The following NTN1 variants were observed in gnomAD, a reference collection of about 807,000 sequenced individuals.
NTN1 encodes netrin-1.
A neutral mutation model predicts 54.2 loss-of-function variants in NTN1; 11 were observed. The ratio of observed to expected loss-of-function variants is 0.20; its 90% CI spans 0.13 to 0.34. The LOEUF (loss-of-function observed/expected upper bound fraction) is 0.34, where lower values mean the gene tolerates loss of function less well. Among genes scored for constraint, NTN1 ranks in the 10% least tolerant of loss-of-function variants. The probability of loss-of-function intolerance (pLI) is 1.00; values close to 1 mark genes in which losing one functional copy is unlikely to be tolerated. For synonymous variants in NTN1, 371 were observed against 382.0 expected, an observed-to-expected ratio of 0.97 and a Z score of 0.33; for missense variants, 740 against 893.1, an observed-to-expected ratio of 0.83 and a Z score of 2.18.
chr17:9,096,076 C>T (rs947847974), intron 2 of NTN1, among the ~76,000 whole-genome samples: 8 of 152,186 alleles, frequency 5.3e-5, no homozygotes, highest in Admixed American at 6.5e-5. Context: ...GGATTACAGG[C>T]GTGAGCAACT....
chr17:9,095,477 A>G (rs1380496634), intron 2 of NTN1, among the ~76,000 whole-genome samples: 1 of 152,318 alleles, frequency 6.6e-6, no homozygotes, highest in East Asian at 1.9e-4. Flanking sequence ...CACTTTGTCC[A>G]TGTGGACCTT....
At chr17:9,128,522 C>T (rs1461629193) in intron 2 of NTN1, among the ~76,000 whole-genome samples, 1 of 152,224 alleles carries the variant, frequency 6.6e-6, no homozygotes, top group African/African-American at 2.4e-5. Context: ...TGTCCCGGTG[C>T]AAAGCAGTGA....
intron 2 of NTN1, among the ~76,000 whole-genome samples, chr17:9,100,552 T>C (rs9303237): frequency 0.72 from 109,499 of 151,944 alleles, 39,930 homozygotes; most frequent in East Asian, 0.96. Flanking sequence ...GTGCCTGCCT[T>C]GGCCTCCCAA....
At position 9,243,974 on chromosome 17, in the gene NTN1, T is replaced by TATCA. The variant is rs1567751949; in HGVS notation, c.*4007_*4010dup. 6.6e-6 allele frequency: 1 copy of TATCA among 151,748 alleles called. No individual in the cohort carries two copies. The highest frequency in any genetic ancestry group is 2.4e-5 in the African/African-American group (1 of 41,274). 9.4% of individuals were successfully genotyped at this position (151,748 alleles called of 1,614,324 possible). On this transcript the variant is annotated 3_prime_UTR_variant, in exon 7 of 7. Coordinates refer to ENST00000173229, the MANE Select transcript of NTN1 (RefSeq NM_004822.3). ...CCCACATGATAGAACTAAATTCAGATATCATTAAATAAACTCTTGTACACT... is the reference window on the plus strand; with the variant it reads ...CCCACATGATAGAACTAAATTCAGATATCAATCATTAAATAAACTCTTGTACACT...
At chr17:9,217,026 A>T (rs1262113250) in intron 5 of NTN1, among the ~76,000 whole-genome samples, 1 of 151,400 alleles carries the variant, frequency 6.6e-6, no homozygotes, top group African/African-American at 2.4e-5. Flanking sequence ...TGGATGACAG[A>T]CAGGGCATGA....
intron 5 of NTN1, among the ~76,000 whole-genome samples, chr17:9,199,142 C>A (rs1904714436): frequency 6.6e-6 from 1 of 152,170 alleles, no homozygotes; most frequent in Admixed American, 6.5e-5. Context: ...TTCTTTCTTT[C>A]TTTTTGTTTG....
chr17:9,117,160 G>C (rs1335465609), intron 2 of NTN1, among the ~76,000 whole-genome samples: 1 of 152,196 alleles, frequency 6.6e-6, no homozygotes, highest in Non-Finnish European at 1.5e-5. Flanking sequence ...AGCGTCTAAG[G>C]AAACAGCGCG....
intron 2 of NTN1, among the ~76,000 whole-genome samples, chr17:9,035,895 G>A (rs1345837375): frequency 2.6e-5 from 4 of 152,150 alleles, no homozygotes; most frequent in Admixed American, 2.0e-4. Context: ...GGTGGTGCAC[G>A]CCTGTAATCC....
At chr17:9,056,035 C>G (rs2091978319) in intron 2 of NTN1, among the ~76,000 whole-genome samples, 1 of 151,578 alleles carries the variant, frequency 6.6e-6, no homozygotes, top group Non-Finnish European at 1.5e-5. Context: ...GAAGCTGGGA[C>G]TACAGGTGCA....
chr17:9,193,934 A>AC lies in NTN1; in HGVS notation c.1411+10965_1411+10966insC, dbSNP rs1567734910. 1.5e-4 allele frequency among the ~76,000 whole-genome samples: 21 copies of AC among 141,786 alleles called. No homozygotes were observed. In the East Asian group the frequency reaches 1.9e-3, roughly 13 times the overall value. The allele number at this position is 141,786 out of a possible 152,430, so 93.0% of individuals were successfully genotyped here. On this transcript the variant is annotated intron_variant, in intron 5 of 6. Coordinates refer to ENST00000173229, the MANE Select transcript of NTN1 (RefSeq NM_004822.3). ...GAAACTCCGACTAAAAAAAAAAAAAAAAAAAAAAAACATTATGCAGGTTGG... is the reference window on the plus strand; with the variant it reads ...GAAACTCCGACTAAAAAAAAAAAAAACAAAAAAAAAACATTATGCAGGTTGG...
intron 5 of NTN1, among the ~76,000 whole-genome samples, chr17:9,193,944 A>ACAAAAAT (rs1904551670): frequency 7.8e-6 from 1 of 128,994 alleles, no homozygotes; most frequent in Non-Finnish European, 1.7e-5. Flanking sequence ...AAAAAAAAAA[A>ACAAAAAT]CATTATGCAG....
At chr17:9,108,380 G>T (rs1226864177) in intron 2 of NTN1, among the ~76,000 whole-genome samples, 1 of 152,112 alleles carries the variant, frequency 6.6e-6, no homozygotes, top group Non-Finnish European at 1.5e-5. Context: ...TCTCCCTACT[G>T]CTTCACATCA....
At position 9,227,381 on chromosome 17, in the gene NTN1, C is replaced by CCA. The variant is rs569450824; in HGVS notation, c.1486+6145_1486+6146dup. On this transcript the variant is annotated intron_variant, in intron 6 of 6. Coordinates refer to ENST00000173229, the MANE Select transcript of NTN1 (RefSeq NM_004822.3). ...CACATCATACACACACCATCACACA[C>CCA]CACACACTATCACACAGGCACACAC... is the stretch of plus-strand genomic sequence containing the variant. Among the ~76,000 whole-genome samples, 227 of 53,214 alleles carry CCA rather than the reference C, an allele frequency of 4.3e-3. 4 individuals are homozygous for CCA. The highest frequency in any genetic ancestry group is 0.03 in the East Asian group (43 of 1,442). The allele number at this position is 53,214 out of a possible 152,430, so 34.9% of individuals were successfully genotyped here.
chr17:9,129,774 G>A (rs1282790586), intron 2 of NTN1, among the ~76,000 whole-genome samples: 1 of 152,168 alleles, frequency 6.6e-6, no homozygotes, highest in Non-Finnish European at 1.5e-5. Flanking sequence ...CCTTCTGCAG[G>A]TGTGAGCATG....
At chr17:9,136,273 T>C (rs778708970) in intron 2 of NTN1, among the ~76,000 whole-genome samples, 4 of 152,162 alleles carry the variant, frequency 2.6e-5, no homozygotes, top group Non-Finnish European at 4.4e-5. Flanking sequence ...ATAACACTGT[T>C]AAGAAAAGAG....
At chr17:9,128,119 AAAAT>A (rs57255280) in intron 2 of NTN1, among the ~76,000 whole-genome samples, 3,236 of 149,570 alleles carry the variant, frequency 0.022, 124 homozygotes, top group African/African-American at 0.074. Flanking sequence ...TCCGTCTCGA[AAAAT>A]AAATAAATAA....
intron 2 of NTN1, among the ~76,000 whole-genome samples, chr17:9,084,222 C>T (rs1471423713): frequency 6.6e-6 from 1 of 152,168 alleles, no homozygotes; most frequent in African/African-American, 2.4e-5. Context: ...ATTCTCCTGC[C>T]TCAGCCTCCT....
chr17:9,212,994 G>A lies in NTN1; in HGVS notation c.1412-8174G>A, dbSNP rs1366736661. Among the ~76,000 whole-genome samples the A allele has an allele frequency of 6.6e-6, 1 of 152,240 alleles. No homozygotes were observed. The highest frequency in any genetic ancestry group is 1.5e-5 in the Non-Finnish European group (1 of 68,038). On this transcript the variant is annotated intron_variant, in intron 5 of 6. Coordinates refer to ENST00000173229, the MANE Select transcript of NTN1 (RefSeq NM_004822.3). The surrounding 1 kb of genome is among the most constrained non-coding windows in gnomAD (Gnocchi z 5.5). The stretch of plus-strand genomic sequence containing the variant: ...TTTGGCACCTGGGGCACAGGAGGCA[G>A]ACCAGAGGGGCCAGCTACCCAAGGT...
chr17:9,228,976 C>T (rs946349962), intron 6 of NTN1, among the ~76,000 whole-genome samples: 2 of 151,116 alleles, frequency 1.3e-5, no homozygotes, highest in African/African-American at 4.9e-5. Context: ...GTGTTTACGA[C>T]TGAGACTGTG....
Sources: gnomAD v4.1 joint callset for allele counts (sites outside exome capture counted in the v4.1 genomes callset) on GRCh38, gnomAD v4.1.1 for gene constraint, Gnocchi (gnomAD v3.1) non-coding constraint, MANE v1.5 for transcripts, NCBI Gene and HGNC (gene_info 2026-07-23, HGNC 2026-07-21) for gene names.